Variants in EXOSC7 observed in about 807,000 individuals in gnomAD.
The protein encoded by EXOSC7 is exosome component 7, also known as exosome complex component RRP42.
In EXOSC7, 25 loss-of-function variants were observed where a neutral mutation model predicts 34.3. The ratio of observed to expected loss-of-function variants is 0.73; its 90% CI spans 0.53 to 1.02. The LOEUF (loss-of-function observed/expected upper bound fraction) is 1.02. Among genes scored for constraint, EXOSC7 ranks in the 50% least tolerant of loss-of-function variants. The probability of loss-of-function intolerance (pLI) is 0.00; values close to 1 mark genes in which losing one functional copy is unlikely to be tolerated. For missense variants in EXOSC7, 370 were observed against 368.5 expected, an observed-to-expected ratio of 1.00 and a Z score of -0.03; for synonymous variants, 130 against 143.0, an observed-to-expected ratio of 0.91 and a Z score of 0.65.
chr3:44,977,068 G>A (rs1475346607), intron 1 of EXOSC7: 2 of 152,314 alleles, frequency 1.3e-5, no homozygotes, highest in African/African-American at 4.8e-5. Flanking sequence ...GATAGCCTAA[G>A]TGCTGTTTCC....
intron 1 of EXOSC7, among the ~76,000 whole-genome samples, chr3:44,977,687 C>G (rs1432569647): frequency 6.6e-6 from 1 of 152,314 alleles, no homozygotes; most frequent in Middle Eastern, 3.4e-3. Flanking sequence ...TTTGTATACA[C>G]TTTGTTCAGG....
chr3:45,001,428 G>A, intron 4 of EXOSC7, 110 bp from the exon 5 acceptor site: 1 of 807,590 alleles, frequency 1.2e-6, no homozygotes, highest in African/African-American at 1.7e-5. Flanking sequence ...GAGTGACAGA[G>A]CGAGACTCTG....
intron 1 of EXOSC7, among the ~76,000 whole-genome samples, chr3:44,986,994 T>C (rs1706437598): frequency 1.3e-5 from 2 of 152,078 alleles, no homozygotes; most frequent in African/African-American, 4.8e-5. Context: ...ATGATTCTTT[T>C]TCTGAAAAAA....
chr3:45,010,020 G>T (rs139625085), intron 7 of EXOSC7, among the ~76,000 whole-genome samples: 2 of 152,220 alleles, frequency 1.3e-5, no homozygotes, highest in African/African-American at 4.8e-5. Context: ...CTCTGGGGAG[G>T]ATACACCTGT....
intron 2 of EXOSC7, 144 bp from the exon 3 acceptor site, chr3:44,989,406 C>G (rs1706509677): frequency 1.2e-6 from 1 of 800,506 alleles, no homozygotes; most frequent in Non-Finnish European, 2.0e-6. Context: ...GAAAAGACTG[C>G]TCACCTCCTC....
At chr3:44,987,496 C>T (rs904155811) in intron 1 of EXOSC7, among the ~76,000 whole-genome samples, 1 of 152,208 alleles carries the variant, frequency 6.6e-6, no homozygotes, top group Non-Finnish European at 1.5e-5. Flanking sequence ...CGCTTGAACG[C>T]AGGTGGCGGA....
At chr3:44,982,270 G>A (rs1000600229) in intron 1 of EXOSC7, among the ~76,000 whole-genome samples, 8 of 152,230 alleles carry the variant, frequency 5.3e-5, no homozygotes, top group African/African-American at 1.9e-4. Flanking sequence ...GCCAAAAAGA[G>A]TTGGTCACCC....
intron 6 of EXOSC7, among the ~76,000 whole-genome samples, chr3:45,006,267 G>A (rs11130039): frequency 0.23 from 34,458 of 150,536 alleles, 5,583 homozygotes; most frequent in East Asian, 0.75. Flanking sequence ...TAGTAGAGAC[G>A]GTGTTTCACC....
chr3:44,987,107 AAGT>A (rs1706443037), intron 1 of EXOSC7, among the ~76,000 whole-genome samples: 2 of 152,066 alleles, frequency 1.3e-5, no homozygotes, highest in African/African-American at 4.8e-5. Flanking sequence ...AAAAAAAAAA[AAGT>A]AAGAGTATCT....
chr3:45,009,825 C>T (rs1707157121), intron 7 of EXOSC7, among the ~76,000 whole-genome samples: 1 of 152,194 alleles, frequency 6.6e-6, no homozygotes, highest in African/African-American at 2.4e-5. Context: ...AGATTACAGG[C>T]ATCAGCCACC....
chr3:44,991,651 T>TA (rs1476776939), intron 3 of EXOSC7, among the ~76,000 whole-genome samples: 1 of 152,204 alleles, frequency 6.6e-6, no homozygotes, highest in Non-Finnish European at 1.5e-5. Flanking sequence ...CTGCTGCTCT[T>TA]ATCCCTTTCT....
At position 44,976,257 on chromosome 3, in the gene EXOSC7, C is replaced by A; in HGVS notation, c.-21C>A. On this transcript the variant is annotated 5_prime_UTR_variant, in exon 1 of 8. Coordinates refer to ENST00000265564, the MANE Select transcript of EXOSC7 (RefSeq NM_015004.4). The stretch of plus-strand genomic sequence containing the variant: ...GGGGACGCGCGCAGATGACGTGCGG[C>A]TCGTGGGGCAGCTCGGCAGCATGGC... 1 of 1,541,512 alleles carries A rather than the reference C, an allele frequency of 6.5e-7. No homozygotes were observed. The highest frequency in any genetic ancestry group is 1.2e-5 in the South Asian group (1 of 82,514).
At chr3:45,003,951 T>C (rs142173518) in intron 5 of EXOSC7, among the ~76,000 whole-genome samples, 1 of 152,366 alleles carries the variant, frequency 6.6e-6, no homozygotes, top group Non-Finnish European at 1.5e-5. Flanking sequence ...TGTGTGACTT[T>C]GTCCAGTCTG....
intron 4 of EXOSC7, among the ~76,000 whole-genome samples, chr3:44,999,199 A>G (rs1387645285): frequency 1.3e-5 from 2 of 152,200 alleles, no homozygotes; most frequent in Admixed American, 6.5e-5. Flanking sequence ...CTGGGACATT[A>G]TCTCAGCTCA....
intron 1 of EXOSC7, 85 bp downstream of exon 1, chr3:44,976,419 A>T (rs1231224578): frequency 2.5e-6 from 3 of 1,202,088 alleles, no homozygotes; most frequent in African/African-American, 3.2e-5. Flanking sequence ...GCCAGTGAGG[A>T]GGCAGCCGAG....
chr3:44,978,920 G>A (rs548256460), intron 1 of EXOSC7, among the ~76,000 whole-genome samples: 2 of 152,340 alleles, frequency 1.3e-5, no homozygotes, highest in South Asian at 4.1e-4. Context: ...TAGGTTCTTA[G>A]TAGCATTGAA....
chr3:44,994,979 T>TTTG (rs150484060), intron 3 of EXOSC7, among the ~76,000 whole-genome samples: 7 of 150,848 alleles, frequency 4.6e-5, no homozygotes, highest in East Asian at 3.9e-4. Flanking sequence ...GGGGCATGGG[T>TTTG]TTGTTGTTGT....
Position 45,011,392 on chromosome 3 carries a change from C to A in EXOSC7, c.*53C>A. On this transcript the variant is annotated 3_prime_UTR_variant, in exon 8 of 8. Transcript: ENST00000265564. ...TTGTTTTTTACTTTTCCTTTTAAACCGGTTCGTATATATTTTTCTTCGCTG... is the reference window on the plus strand; with the variant it reads ...TTGTTTTTTACTTTTCCTTTTAAACAGGTTCGTATATATTTTTCTTCGCTG... 8.7e-7 allele frequency: 1 copy of A among 1,145,766 alleles called. No homozygotes were observed. The allele number at this position is 1,145,766 out of a possible 1,614,324, so 71.0% of individuals were successfully genotyped here. A position where few individuals can be genotyped will look rare whatever the true frequency, so the allele number is the denominator to read the frequency against.
At chr3:44,978,315 T>C (rs1162702333) in intron 1 of EXOSC7, among the ~76,000 whole-genome samples, 2 of 151,984 alleles carry the variant, frequency 1.3e-5, no homozygotes, top group Non-Finnish European at 2.9e-5. Context: ...TTTTTTTTAA[T>C]AAATAAAAAG....
Sources: gnomAD v4.1 joint callset for allele counts (sites outside exome capture counted in the v4.1 genomes callset) on GRCh38, gnomAD v4.1.1 for gene constraint, MANE v1.5 for transcripts, NCBI Gene and HGNC (gene_info 2026-07-23, HGNC 2026-07-21) for gene names.